Variants in PAK5 observed in about 807,000 individuals in gnomAD.
The protein encoded by PAK5 is serine/threonine-protein kinase PAK 5.
Under a neutral mutation model 65.9 loss-of-function variants are expected in PAK5, and 16 were observed. The observed-to-expected ratio is 0.24, with a 90% confidence interval of 0.16 to 0.37. PAK5 has a LOEUF of 0.37. PAK5 is among the 10% of genes least tolerant of loss of function. The probability of loss-of-function intolerance (pLI) is 1.00; values close to 1 mark genes in which losing one functional copy is unlikely to be tolerated. For synonymous variants in PAK5, 371 were observed against 354.9 expected, an observed-to-expected ratio of 1.05 and a Z score of -0.51; for missense variants, 785 against 903.9, an observed-to-expected ratio of 0.87 and a Z score of 1.69.
At chr20:9,683,534 T>C (rs2047677859) in intron 2 of PAK5, among the ~76,000 whole-genome samples, 1 of 152,220 alleles carries the variant, frequency 6.6e-6, no homozygotes, top group South Asian at 2.1e-4. Flanking sequence ...CTTGTTGTCT[T>C]CTTACACATG....
At chr20:9,652,613 T>G (rs1271452935) in intron 2 of PAK5, among the ~76,000 whole-genome samples, 1 of 152,232 alleles carries the variant, frequency 6.6e-6, no homozygotes, top group East Asian at 1.9e-4. Flanking sequence ...TGATTATCCT[T>G]GTACCTGGTC....
chr20:9,701,248 C>A, intron 2 of PAK5, among the ~76,000 whole-genome samples: 1 of 152,150 alleles, frequency 6.6e-6, no homozygotes, highest in Non-Finnish European at 1.5e-5. Flanking sequence ...GCATGTCAAA[C>A]TTTGAAACGT....
At chr20:9,603,536 T>C (rs555898110) in intron 3 of PAK5, among the ~76,000 whole-genome samples, 1 of 152,278 alleles carries the variant, frequency 6.6e-6, no homozygotes, top group African/African-American at 2.4e-5. Context: ...GAGAAAAACA[T>C]TTAAGACTGT....
At chr20:9,777,238 G>A (rs1337689308) in intron 1 of PAK5, among the ~76,000 whole-genome samples, 1 of 152,116 alleles carries the variant, frequency 6.6e-6, no homozygotes, top group African/African-American at 2.4e-5. Flanking sequence ...TAGATAGCTG[G>A]TTCCTTTGGT....
chr20:9,816,632 C>G lies in PAK5; in HGVS notation c.-162+22130G>C, dbSNP rs113167768. 2.6e-4 allele frequency among the ~76,000 whole-genome samples: 40 copies of G among 152,264 alleles called. 3 individuals carry two copies. Among genetic ancestry groups the G allele is most frequent in the African/African-American group, 8.9e-4 (37 of 41,560 alleles). ...TCTGCACTCCTGGTTCTCAGGTATTCTGACTCAGATTGGAATCCATACTTT... is the reference window on the plus strand; with the variant it reads ...TCTGCACTCCTGGTTCTCAGGTATTGTGACTCAGATTGGAATCCATACTTT... On this transcript the variant is annotated intron_variant, in intron 1 of 9. Coordinates refer to ENST00000353224, the MANE Select transcript of PAK5 (RefSeq NM_177990.4).
intron 1 of PAK5, among the ~76,000 whole-genome samples, chr20:9,732,630 A>G (rs2123557889): frequency 1.6e-5 from 2 of 127,188 alleles, no homozygotes; most frequent in Middle Eastern, 8.3e-3. Flanking sequence ...TCCACTTGGT[A>G]CATACATACC....
intron 3 of PAK5, among the ~76,000 whole-genome samples, chr20:9,638,252 A>C (rs1173736778): frequency 6.6e-6 from 1 of 152,254 alleles, no homozygotes; most frequent in Non-Finnish European, 1.5e-5. Context: ...CTCATGGACG[A>C]AATGACATTA....
rs545140358 is a variant in PAK5 at position 9,771,582 on chromosome 20, A to ATTTTT, written c.-161-60152_-161-60148dup. On this transcript the variant is annotated intron_variant, in intron 1 of 9. Coordinates refer to ENST00000353224, the MANE Select transcript of PAK5 (RefSeq NM_177990.4). ...GCCACCACATTCAGTCAATTTTTTA[A>ATTTTT]TTTTTTTTTTTTTTTTTTGTAGAAA... Among the ~76,000 whole-genome samples the ATTTTT allele has an allele frequency of 2.6e-4, 29 of 109,760 alleles. 1 individual carries two copies. The East Asian group carries it at 8.9e-3, about 34-fold the overall frequency. 72.0% of individuals were successfully genotyped at this position (109,760 alleles called of 152,430 possible).
intron 3 of PAK5, among the ~76,000 whole-genome samples, chr20:9,628,634 C>T (rs1454484682): frequency 6.6e-6 from 1 of 152,120 alleles, no homozygotes; most frequent in Non-Finnish European, 1.5e-5. Flanking sequence ...TTTTTTCTCT[C>T]AGAACATAGT....
At chr20:9,713,170 G>A (rs1446190848) in intron 1 of PAK5, among the ~76,000 whole-genome samples, 1 of 151,770 alleles carries the variant, frequency 6.6e-6, no homozygotes, top group African/African-American at 2.4e-5. Flanking sequence ...CAACTCAATA[G>A]CAAATAATAA....
chr20:9,756,660 T>C (rs186926248), intron 1 of PAK5, among the ~76,000 whole-genome samples: 36 of 152,308 alleles, frequency 2.4e-4, no homozygotes, highest in African/African-American at 8.2e-4. Context: ...TTAAGAAATA[T>C]ATTATTAAAA....
At chr20:9,627,377 A>C (rs574674889) in intron 3 of PAK5, among the ~76,000 whole-genome samples, 62 of 152,304 alleles carry the variant, frequency 4.1e-4, no homozygotes, top group African/African-American at 1.3e-3. Context: ...CACAGCTCAC[A>C]TGTCCTGCAA....
At chr20:9,689,439 C>T (rs1048728605) in intron 2 of PAK5, among the ~76,000 whole-genome samples, 3 of 152,122 alleles carry the variant, frequency 2.0e-5, no homozygotes, top group African/African-American at 7.2e-5. Flanking sequence ...ATTATTTCTC[C>T]TCCTTCACCC....
At chr20:9,561,115 G>C (rs1232167136) in intron 6 of PAK5, among the ~76,000 whole-genome samples, 8 of 152,120 alleles carry the variant, frequency 5.3e-5, no homozygotes, top group Non-Finnish European at 1.0e-4. Flanking sequence ...AAGTATTCAT[G>C]GTGTTCCTTG....
At chr20:9,707,820 T>C (rs566481250) in intron 2 of PAK5, among the ~76,000 whole-genome samples, 41 of 152,308 alleles carry the variant, frequency 2.7e-4, no homozygotes, top group Admixed American at 7.2e-4. Flanking sequence ...CTGAGACTAT[T>C]CAGCCCCAGC....
chr20:9,610,428 G>C (rs181974717), intron 3 of PAK5, among the ~76,000 whole-genome samples: 1 of 152,180 alleles, frequency 6.6e-6, no homozygotes, highest in African/African-American at 2.4e-5. Context: ...TGGGCATGGG[G>C]TTTTGATGTG....
At chr20:9,608,677 A>G (rs537778310) in intron 3 of PAK5, among the ~76,000 whole-genome samples, 2 of 152,274 alleles carry the variant, frequency 1.3e-5, no homozygotes, top group East Asian at 3.8e-4. Flanking sequence ...CAATGTGCAC[A>G]TATTCTGAAA....
chr20:9,737,321 T>C (rs1293864473), intron 1 of PAK5, among the ~76,000 whole-genome samples: 1 of 152,172 alleles, frequency 6.6e-6, no homozygotes, highest in Non-Finnish European at 1.5e-5. Context: ...AAGGATAGGC[T>C]AGAACTAACC....
At chr20:9,702,148 C>T (rs1722087574) in intron 2 of PAK5, among the ~76,000 whole-genome samples, 1 of 152,000 alleles carries the variant, frequency 6.6e-6, no homozygotes, top group Admixed American at 6.6e-5. Context: ...ATGAAAATGA[C>T]TGGGTAGCTC....
Sources: gnomAD v4.1 joint callset for allele counts (sites outside exome capture counted in the v4.1 genomes callset) on GRCh38, gnomAD v4.1.1 for gene constraint, MANE v1.5 for transcripts, NCBI Gene and HGNC (gene_info 2026-07-23, HGNC 2026-07-21) for gene names.